PIGN: variants seen among roughly 807,000 people sequenced by gnomAD.
The protein encoded by PIGN is GPI ethanolamine phosphate transferase 1.
PIGN carries 117 observed loss-of-function variants against 125.4 expected under a neutral mutation model. The ratio of observed to expected loss-of-function variants is 0.93; its 90% confidence interval spans 0.80 to 1.09. The LOEUF (loss-of-function observed/expected upper bound fraction) is 1.09, where lower values mean the gene tolerates loss of function less well. Ranked by LOEUF, PIGN falls within the 50% of genes least tolerant of loss-of-function variation. PIGN has a pLI of 0.00. For missense variants in PIGN, 1,075 were observed against 1,094.9 expected, an observed-to-expected ratio of 0.98 and a Z score of 0.26; for synonymous variants, 392 against 377.8, an observed-to-expected ratio of 1.04 and a Z score of -0.44.
rs186864105 is a variant in PIGN at position 62,130,715 on chromosome 18, C to T, written c.1172+7528G>A. The stretch of plus-strand genomic sequence containing the variant: ...GCTAGTGTTTAGAGGACAAGATCTC[C>T]TAAAATGCTGCCCTTTCTTACTCTG... On this transcript the variant is annotated intron_variant, in intron 14 of 30. Coordinates refer to ENST00000640252, the MANE Select transcript of PIGN (RefSeq NM_176787.5). 1.5e-3 allele frequency among the ~76,000 whole-genome samples: 235 copies of T among 152,164 alleles called. 1 individual carries two copies. The highest frequency in any genetic ancestry group is 5.3e-3 in the African/African-American group (219 of 41,526).
chr18:62,082,595 T>C (rs1041397804), intron 28 of PIGN, 78 bp downstream of exon 28: 6 of 758,990 alleles, frequency 7.9e-6, no homozygotes, highest in Non-Finnish European at 1.4e-5. Flanking sequence ...ATAGCAATCA[T>C]ATGAAATGTC....
At chr18:62,105,850 T>G (rs2034618507) in intron 19 of PIGN, among the ~76,000 whole-genome samples, 5 of 152,218 alleles carry the variant, frequency 3.3e-5, no homozygotes, top group Admixed American at 3.3e-4. Flanking sequence ...ATAGCAGGTA[T>G]AGTATTAGGT....
intron 30 of PIGN, among the ~76,000 whole-genome samples, chr18:62,048,633 A>C (rs78515127): frequency 6.9e-6 from 1 of 145,542 alleles, no homozygotes; most frequent in Non-Finnish European, 1.5e-5. Flanking sequence ...AAAAAAAAAA[A>C]CCAAATGAAT....
At chr18:62,145,384 T>A (rs893874219) in intron 10 of PIGN, among the ~76,000 whole-genome samples, 2 of 152,184 alleles carry the variant, frequency 1.3e-5, no homozygotes, top group Non-Finnish European at 2.9e-5. Flanking sequence ...CATTACTTAC[T>A]GAAGACATGC....
At chr18:62,152,864 A>T (rs915288479) in intron 7 of PIGN, among the ~76,000 whole-genome samples, 14 of 52,270 alleles carry the variant, frequency 2.7e-4, no homozygotes, top group Non-Finnish European at 4.8e-4. Context: ...ATATATATAT[A>T]TATATTTTTT....
intron 10 of PIGN, among the ~76,000 whole-genome samples, chr18:62,145,008 C>G (rs548307728): frequency 9.6e-4 from 137 of 142,114 alleles, no homozygotes; most frequent in Non-Finnish European, 1.5e-3. Context: ...AGGAAACTGG[C>G]GGGGGGGGGG....
chr18:62,181,819 C>T (rs202017249), intron 1 of PIGN, among the ~76,000 whole-genome samples: 1 of 152,108 alleles, frequency 6.6e-6, no homozygotes, highest in Admixed American at 6.5e-5. Flanking sequence ...CTCCACCTCC[C>T]GGGTTCAAGC....
intron 20 of PIGN, 42 bp downstream of exon 20, chr18:62,105,501 A>T (rs1367307118): frequency 8.7e-6 from 10 of 1,155,520 alleles, no homozygotes; most frequent in Non-Finnish European, 1.3e-5. Context: ...TGAGGAAAAA[A>T]AAGTGTATTG....
chr18:62,167,284 ATATGTGTGTGTGTGTGTG>A (rs1388770183), intron 1 of PIGN, among the ~76,000 whole-genome samples: 88 of 136,174 alleles, frequency 6.5e-4, no homozygotes, highest in African/African-American at 2.7e-3. Context: ...ATAGAGATAT[ATATGTGTGTGTGTGTGTG>A]TGTGTGTGTG....
chr18:62,111,816 A>G lies in PIGN; in HGVS notation c.1434+1318T>C, dbSNP rs11878168. On this transcript the variant is annotated intron_variant, in intron 16 of 30. Coordinates refer to ENST00000640252, the MANE Select transcript of PIGN (RefSeq NM_176787.5). Reference sequence around the variant, plus strand: ...CAATGTGGCTTAGGGTAGCCAAAAGATTGGATACCCTTGCCAGCATCTAGC... The same window carrying G: ...CAATGTGGCTTAGGGTAGCCAAAAGGTTGGATACCCTTGCCAGCATCTAGC... Among the ~76,000 whole-genome samples, 814 of 152,274 alleles carry G rather than the reference A, an allele frequency of 5.3e-3. 4 individuals carry two copies. The highest frequency in any genetic ancestry group is 0.019 in the African/African-American group (770 of 41,546).
At chr18:62,095,728 T>C in intron 23 of PIGN, 120 bp downstream of exon 23, 1 of 622,442 alleles carries the variant, frequency 1.6e-6, no homozygotes, top group Non-Finnish European at 2.9e-6. Context: ...ATATTTATAA[T>C]GTATCCCTCA....
chr18:62,158,452 G>A (rs1264474625), intron 4 of PIGN, among the ~76,000 whole-genome samples: 1 of 152,114 alleles, frequency 6.6e-6, no homozygotes, highest in East Asian at 1.9e-4. Context: ...CTCCTAATTA[G>A]GAGTTAAATT....
At chr18:62,100,845 C>T (rs1050086167) in intron 22 of PIGN, among the ~76,000 whole-genome samples, 2 of 152,128 alleles carry the variant, frequency 1.3e-5, no homozygotes, top group Admixed American at 6.5e-5. Flanking sequence ...AAATACATAG[C>T]TTTATTATCA....
At chr18:62,046,814 T>G (rs2030749434) in intron 30 of PIGN, among the ~76,000 whole-genome samples, 1 of 152,184 alleles carries the variant, frequency 6.6e-6, no homozygotes, top group South Asian at 2.1e-4. Flanking sequence ...GCTGAATCCA[T>G]GATGTGGAAC....
chr18:62,169,092 G>A (rs2037258665), intron 1 of PIGN, among the ~76,000 whole-genome samples: 3 of 152,108 alleles, frequency 2.0e-5, no homozygotes, highest in Non-Finnish European at 4.4e-5. Context: ...CTGGCTTCAA[G>A]TGATCTGCCC....
chr18:62,057,564 C>G (rs575632289), intron 30 of PIGN, among the ~76,000 whole-genome samples: 5 of 152,220 alleles, frequency 3.3e-5, no homozygotes, highest in African/African-American at 9.6e-5. Context: ...TTCCTTCTCC[C>G]TCTCTCGATC....
chr18:62,132,866 A>G, intron 14 of PIGN, among the ~76,000 whole-genome samples: 1 of 142,078 alleles, frequency 7.0e-6, no homozygotes, highest in Admixed American at 6.9e-5. Context: ...ATTTTTTCCA[A>G]ATGGTCAATT....
rs1162732018 is a variant in PIGN, at chr18:62,163,622, C to G, written c.-201G>C. 1 of 152,164 alleles carries G rather than the reference C, an allele frequency of 6.6e-6. No homozygotes were observed. Among genetic ancestry groups the G allele is most frequent in the Non-Finnish European group, 1.5e-5 (1 of 68,022 alleles). The allele number at this position is 152,164 out of a possible 1,614,324, so 9.4% of individuals were successfully genotyped here. A position where few individuals can be genotyped will look rare whatever the true frequency, so the allele number is the denominator to read the frequency against. On this transcript the variant is annotated 5_prime_UTR_variant, in exon 2 of 31. Coordinates refer to ENST00000640252, the MANE Select transcript of PIGN (RefSeq NM_176787.5). The stretch of plus-strand genomic sequence containing the variant: ...TAGGTCTCCAAAGGCTACAGCTCAT[C>G]TCACTTTGCACAGGACTGAGACATA...
intron 30 of PIGN, among the ~76,000 whole-genome samples, chr18:62,055,996 G>A (rs778702144): frequency 2.7e-5 from 4 of 145,670 alleles, no homozygotes; most frequent in African/African-American, 5.0e-5. Flanking sequence ...ATGTTACCCC[G>A]GCAAATTTAA....
Sources: allele counts gnomAD v4.1 joint callset (sites outside exome capture counted in the v4.1 genomes callset), GRCh38; gene constraint gnomAD v4.1.1; transcripts MANE v1.5; gene names NCBI Gene and HGNC (gene_info 2026-07-23, HGNC 2026-07-21).